RNF144A: variants seen among roughly 807,000 people sequenced by gnomAD.
RNF144A encodes the protein ring finger protein 144A.
Under a neutral mutation model 38.7 loss-of-function variants are expected in RNF144A, and 11 were observed. The ratio of observed to expected loss-of-function variants is 0.28; its 90% confidence interval spans 0.18 to 0.47. The LOEUF (loss-of-function observed/expected upper bound fraction) is 0.47. Ranked by LOEUF, RNF144A falls within the 20% of genes least tolerant of loss-of-function variation. RNF144A has a pLI of 0.99. For synonymous variants in RNF144A, 149 were observed against 143.9 expected, an observed-to-expected ratio of 1.04 and a Z score of -0.25; for missense variants, 316 against 377.2, an observed-to-expected ratio of 0.84 and a Z score of 1.34.
At chr2:6,986,126 C>T (rs1387496367) in intron 2 of RNF144A, among the ~76,000 whole-genome samples, 2 of 152,136 alleles carry the variant, frequency 1.3e-5, no homozygotes, top group Non-Finnish European at 2.9e-5. Flanking sequence ...TTAGAGGACT[C>T]CCGGAAGCCA....
At chr2:7,003,568 G>A (rs177922) in intron 3 of RNF144A, among the ~76,000 whole-genome samples, 37,386 of 152,240 alleles carry the variant, frequency 0.25, 5,736 homozygotes, top group Non-Finnish European at 0.35. Flanking sequence ...AATAGGCTGT[G>A]CCAGCTAGCC....
chr2:6,936,773 GCA>G (rs1435185581), intron 1 of RNF144A, among the ~76,000 whole-genome samples: 1 of 151,720 alleles, frequency 6.6e-6, no homozygotes, highest in Non-Finnish European at 1.5e-5. Context: ...TACCAGACAA[GCA>G]CACTGTTAGG....
intron 1 of RNF144A, among the ~76,000 whole-genome samples, chr2:6,929,291 G>T (rs577550724): frequency 6.6e-6 from 1 of 152,040 alleles, no homozygotes; most frequent in African/African-American, 2.4e-5. Context: ...TACTGCCCTC[G>T]CCACCATATT....
At chr2:7,062,081 G>C (rs986324375) in intron 6 of RNF144A, among the ~76,000 whole-genome samples, 2 of 152,166 alleles carry the variant, frequency 1.3e-5, no homozygotes, top group Non-Finnish European at 2.9e-5. Flanking sequence ...TGACCAGCTC[G>C]GGGTGGGCTG....
At chr2:6,995,451 C>T (rs551065749) in intron 2 of RNF144A, among the ~76,000 whole-genome samples, 7 of 152,208 alleles carry the variant, frequency 4.6e-5, no homozygotes, top group Admixed American at 2.6e-4. Context: ...TTGACTCACA[C>T]GATCACGACG....
intron 3 of RNF144A, among the ~76,000 whole-genome samples, chr2:7,008,511 G>T (rs541379543): frequency 6.6e-6 from 1 of 152,140 alleles, no homozygotes; most frequent in African/African-American, 2.4e-5. Flanking sequence ...GCCCCCTCCC[G>T]ACACGGTGCA....
chr2:6,964,035 A>C (rs771320), intron 2 of RNF144A, among the ~76,000 whole-genome samples: 87,246 of 151,770 alleles, frequency 0.57, 25,570 homozygotes, highest in Admixed American at 0.66. Flanking sequence ...GAGGTTAAAG[A>C]AAAACTGTGG....
At chr2:6,989,612 C>A (rs1009497371) in intron 2 of RNF144A, among the ~76,000 whole-genome samples, 1 of 152,082 alleles carries the variant, frequency 6.6e-6, no homozygotes, top group African/African-American at 2.4e-5. Flanking sequence ...TTTTAAATTG[C>A]ATGCATTAAG....
At chr2:7,021,109 G>A (rs1022905095) in intron 6 of RNF144A, among the ~76,000 whole-genome samples, 1 of 152,142 alleles carries the variant, frequency 6.6e-6, no homozygotes, top group Non-Finnish European at 1.5e-5. Flanking sequence ...AGGGGGATGG[G>A]GAGACACTCC....
chr2:6,929,291 G>A (rs577550724), intron 1 of RNF144A, among the ~76,000 whole-genome samples: 4 of 152,158 alleles, frequency 2.6e-5, no homozygotes, highest in East Asian at 3.9e-4. Context: ...TACTGCCCTC[G>A]CCACCATATT....
intron 6 of RNF144A, among the ~76,000 whole-genome samples, chr2:7,055,017 G>A (rs1378590521): frequency 1.3e-5 from 2 of 152,080 alleles, no homozygotes; most frequent in African/African-American, 4.8e-5. Flanking sequence ...CCCTGCAGTT[G>A]CTTTACTCTT....
chr2:6,956,696 A>ATC (rs1220107843), intron 2 of RNF144A, among the ~76,000 whole-genome samples: 1 of 152,164 alleles, frequency 6.6e-6, no homozygotes, highest in Non-Finnish European at 1.5e-5. Context: ...ATCTAGTGGC[A>ATC]TCCGGGGACG....
intron 6 of RNF144A, among the ~76,000 whole-genome samples, chr2:7,063,187 T>C (rs1423159344): frequency 6.6e-6 from 1 of 152,140 alleles, no homozygotes; most frequent in Non-Finnish European, 1.5e-5. Context: ...AAGAAAAGGC[T>C]CCTAACCACA....
chr2:6,983,271 G>T (rs1429829505), intron 2 of RNF144A, among the ~76,000 whole-genome samples: 1 of 152,178 alleles, frequency 6.6e-6, no homozygotes, highest in Admixed American at 6.5e-5. Context: ...TTTTCTATAA[G>T]AAGTCTCCTG....
rs1164876303 is a variant in RNF144A at position 7,041,185 on chromosome 2, G to A, written c.*1425G>A. The stretch of plus-strand genomic sequence containing the variant: ...AAAATCTTGTTAAACATTCTATAAA[G>A]AAGTAAAACAAAATCCTTTTATCTC... On this transcript the variant is annotated 3_prime_UTR_variant, in exon 9 of 9. Transcript: ENST00000320892. 4.1e-6 allele frequency: 4 copies of A among 982,302 alleles called. No individual in the cohort carries two copies. The highest frequency in any genetic ancestry group is 4.8e-6 in the Non-Finnish European group (4 of 827,232). The allele number at this position is 982,302 out of a possible 1,614,324, so 60.8% of individuals were successfully genotyped here. A position where few individuals can be genotyped will look rare whatever the true frequency, so the allele number is the denominator to read the frequency against.
downstream of RNF144A, among the ~76,000 whole-genome samples, chr2:7,073,055 C>A (rs777021183): frequency 2.6e-5 from 4 of 152,178 alleles, no homozygotes; most frequent in Non-Finnish European, 4.4e-5. Flanking sequence ...TCCAGCCTCA[C>A]CTGTCTATGA....
At chr2:7,013,546 G>T (rs1670948202) in intron 3 of RNF144A, among the ~76,000 whole-genome samples, 1 of 152,156 alleles carries the variant, frequency 6.6e-6, no homozygotes, top group Non-Finnish European at 1.5e-5. Flanking sequence ...TTGATTTGGG[G>T]ATGCCGTTGT....
intron 5 of RNF144A, among the ~76,000 whole-genome samples, chr2:7,015,810 C>T (rs1010518580): frequency 2.6e-5 from 4 of 152,246 alleles, no homozygotes; most frequent in African/African-American, 9.6e-5. Context: ...TCTGCTCTCC[C>T]TCTCCCTGCA....
At chr2:7,069,622 A>C (rs1674383786), downstream of RNF144A, among the ~76,000 whole-genome samples, 1 of 152,210 alleles carries the variant, frequency 6.6e-6, no homozygotes, top group Non-Finnish European at 1.5e-5. Flanking sequence ...CTTAAAATAC[A>C]ACACTTTTTA....
Sources: allele counts gnomAD v4.1 joint callset (sites outside exome capture counted in the v4.1 genomes callset), GRCh38; gene constraint gnomAD v4.1.1; transcripts MANE v1.5; gene names NCBI Gene and HGNC (gene_info 2026-07-23, HGNC 2026-07-21).